EPHA7: variants seen among roughly 807,000 people sequenced by gnomAD.
EPHA7 encodes EPH receptor A7.
EPHA7 carries 25 observed loss-of-function variants against 112.6 expected under a neutral mutation model. The observed-to-expected ratio is 0.22, with a 90% confidence interval of 0.16 to 0.31. The LOEUF is 0.31. Ranked by LOEUF, EPHA7 falls within the 10% of genes least tolerant of loss-of-function variation. The pLI, the probability that EPHA7 is intolerant of heterozygous loss-of-function variation, is 1.00. For synonymous variants in EPHA7, 437 were observed against 406.5 expected (o/e 1.07, Z -0.90); for missense variants, 962 against 1,212.6 (o/e 0.79, Z 3.07).
At chr6:93,318,790 G>C (rs1371644514) in intron 5 of EPHA7, among the ~76,000 whole-genome samples, 1 of 151,924 alleles carries the variant, frequency 6.6e-6, no homozygotes, top group Non-Finnish European at 1.5e-5. Flanking sequence ...CTTAAAAATT[G>C]TTTTCTCAAT....
intron 5 of EPHA7, among the ~76,000 whole-genome samples, chr6:93,305,777 A>G (rs1582486481): frequency 6.6e-6 from 1 of 151,940 alleles, no homozygotes; most frequent in African/African-American, 2.4e-5. Flanking sequence ...CCTCTACTAG[A>G]GCCACCTTTG....
At chr6:93,363,631 A>T (rs1157684442) in intron 3 of EPHA7, among the ~76,000 whole-genome samples, 1 of 152,182 alleles carries the variant, frequency 6.6e-6, no homozygotes, top group Non-Finnish European at 1.5e-5. Context: ...AAAATGGTGC[A>T]GCCACTTTCA....
intron 3 of EPHA7, among the ~76,000 whole-genome samples, chr6:93,370,256 A>G (rs1776723042): frequency 1.3e-5 from 2 of 152,282 alleles, no homozygotes; most frequent in South Asian, 4.1e-4. Flanking sequence ...GTTGTTTCCA[A>G]GGCAAAAATT....
intron 3 of EPHA7, among the ~76,000 whole-genome samples, chr6:93,405,850 T>TATATATAA (rs1469158388): frequency 1.3e-4 from 16 of 121,334 alleles, no homozygotes; most frequent in Non-Finnish European, 2.7e-4. Context: ...TATATATATA[T>TATATATAA]AAATGATTAT....
At chr6:93,370,065 T>C (rs1052625941) in intron 3 of EPHA7, among the ~76,000 whole-genome samples, 1 of 152,174 alleles carries the variant, frequency 6.6e-6, no homozygotes, top group Admixed American at 6.5e-5. Context: ...CTTTAGATGA[T>C]TTTAACATGA....
intron 5 of EPHA7, among the ~76,000 whole-genome samples, chr6:93,276,808 T>C (rs1359771945): frequency 6.6e-6 from 1 of 152,086 alleles, no homozygotes; most frequent in Non-Finnish European, 1.5e-5. Flanking sequence ...TTAACCAAGA[T>C]AATGAATTTC....
intron 5 of EPHA7, among the ~76,000 whole-genome samples, chr6:93,282,471 G>A (rs959077128): frequency 1.3e-5 from 2 of 152,258 alleles, no homozygotes; most frequent in African/African-American, 4.8e-5. Context: ...AGTAATGAGA[G>A]GTGACAGCAT....
rs1776340968 is a variant in EPHA7, at chr6:93,363,201, T to C, written c.833-4790A>G. Among the ~76,000 whole-genome samples the C allele has an allele frequency of 2.6e-5, 4 of 152,264 alleles. No homozygotes were observed. The South Asian group carries it at 8.3e-4, about 32-fold the overall frequency. ...TAGACATTTCTATATTTTAAAAAAATTGTATAGGTGTTCAGAACCAACATC... is the reference window on the plus strand; with the variant it reads ...TAGACATTTCTATATTTTAAAAAAACTGTATAGGTGTTCAGAACCAACATC... On this transcript the variant is annotated intron_variant, in intron 3 of 16. Transcript: ENST00000369303.
At chr6:93,300,884 T>C (rs1772944695) in intron 5 of EPHA7, among the ~76,000 whole-genome samples, 1 of 152,184 alleles carries the variant, frequency 6.6e-6, no homozygotes, top group African/African-American at 2.4e-5. Flanking sequence ...ACTGAGATAG[T>C]ACAGCCTACT....
intron 3 of EPHA7, among the ~76,000 whole-genome samples, chr6:93,380,391 A>G (rs1378164837): frequency 6.6e-6 from 1 of 152,154 alleles, no homozygotes; most frequent in African/African-American, 2.4e-5. Context: ...GGTACCAGGC[A>G]TTTTAATCCA....
intron 5 of EPHA7, among the ~76,000 whole-genome samples, chr6:93,331,650 T>G (rs1303113799): frequency 6.6e-6 from 1 of 151,592 alleles, no homozygotes; most frequent in Non-Finnish European, 1.5e-5. Context: ...AAATTATTAC[T>G]TTACATGAAA....
intron 9 of EPHA7, among the ~76,000 whole-genome samples, chr6:93,263,553 A>G (rs769606353): frequency 2.6e-5 from 4 of 151,450 alleles, no homozygotes; most frequent in Non-Finnish European, 5.9e-5. Context: ...GGCACATGCA[A>G]CCTTTAATGT....
At chr6:93,254,822 T>A in intron 13 of EPHA7, 26 bp from the exon 14 acceptor site, 1 of 1,579,118 alleles carries the variant, frequency 6.3e-7, no homozygotes, top group Middle Eastern at 1.7e-4. Flanking sequence ...ATGAACATTT[T>A]AAATATGTAT....
chr6:93,273,963 C>T (rs1407863306), intron 5 of EPHA7, among the ~76,000 whole-genome samples: 2 of 151,816 alleles, frequency 1.3e-5, no homozygotes, highest in African/African-American at 4.8e-5. Context: ...AGTAGCATAA[C>T]TTACTTAACA....
intron 3 of EPHA7, among the ~76,000 whole-genome samples, chr6:93,392,337 T>C (rs1434426182): frequency 6.6e-6 from 1 of 151,924 alleles, no homozygotes; most frequent in Non-Finnish European, 1.5e-5. Context: ...GATGGTTACC[T>C]TTTCAGTTGT....
intron 5 of EPHA7, among the ~76,000 whole-genome samples, chr6:93,291,706 G>T (rs113546581): frequency 1.6e-3 from 221 of 138,478 alleles, no homozygotes; most frequent in African/African-American, 5.2e-3. Flanking sequence ...AGGCGGAGCT[G>T]GCAGTGAGCC....
At chr6:93,398,177 T>C (rs1168127550) in intron 3 of EPHA7, among the ~76,000 whole-genome samples, 1 of 151,988 alleles carries the variant, frequency 6.6e-6, no homozygotes, top group African/African-American at 2.4e-5. Flanking sequence ...TTATTTGTTA[T>C]TGGTCTCCAT....
intron 15 of EPHA7, 45 bp from the exon 16 acceptor site, chr6:93,245,498 CAAAG>C (rs1769905722): frequency 6.3e-7 from 1 of 1,580,648 alleles, no homozygotes; most frequent in African/African-American, 1.4e-5. Context: ...CCTGAAATAC[CAAAG>C]AAAGAATGTT....
intron 5 of EPHA7, among the ~76,000 whole-genome samples, chr6:93,339,401 C>T (rs1220768778): frequency 1.3e-5 from 2 of 151,940 alleles, no homozygotes; most frequent in South Asian, 2.1e-4. Context: ...CAAAACTGCA[C>T]TTTGCCACAG....
Sources: gnomAD v4.1 joint callset for allele counts (sites outside exome capture counted in the v4.1 genomes callset) on GRCh38, gnomAD v4.1.1 for gene constraint, MANE v1.5 for transcripts, NCBI Gene and HGNC (gene_info 2026-07-23, HGNC 2026-07-21) for gene names.